The following STX8 variants were observed in gnomAD, a reference collection of about 807,000 sequenced individuals.
STX8 encodes syntaxin 8, also known as syntaxin-8.
STX8 carries 23 observed loss-of-function variants against 37.5 expected under a neutral mutation model. That is an observed-to-expected ratio of 0.61 (90% CI 0.44 to 0.87). The LOEUF (loss-of-function observed/expected upper bound fraction) is 0.87, where lower values mean the gene tolerates loss of function less well. Ranked by LOEUF, STX8 falls within the 40% of genes least tolerant of loss-of-function variation. The pLI, the probability that STX8 is intolerant of heterozygous loss-of-function variation, is 0.00. For synonymous variants in STX8, 115 were observed against 99.1 expected (o/e 1.16, Z -0.95); for missense variants, 313 against 284.7 (o/e 1.10, Z -0.71).
At chr17:9,356,985 T>C (rs1208920707) in intron 7 of STX8, among the ~76,000 whole-genome samples, 1 of 142,108 alleles carries the variant, frequency 7.0e-6, no homozygotes, top group Non-Finnish European at 1.5e-5. Context: ...TTTTTTTTTT[T>C]TAGGCAAAGT....
chr17:9,387,917 A>G (rs577315139), intron 6 of STX8, among the ~76,000 whole-genome samples: 1 of 152,296 alleles, frequency 6.6e-6, no homozygotes, highest in Non-Finnish European at 1.5e-5. Flanking sequence ...TATGACTTAG[A>G]GGTAAATCAA....
intron 6 of STX8, among the ~76,000 whole-genome samples, chr17:9,411,588 C>T (rs1048421663): frequency 6.6e-6 from 1 of 152,194 alleles, no homozygotes; most frequent in Non-Finnish European, 1.5e-5. Flanking sequence ...AATTGCACAT[C>T]GGAAAATTCC....
chr17:9,387,653 AT>A (rs1341127809), intron 6 of STX8, among the ~76,000 whole-genome samples: 1 of 152,180 alleles, frequency 6.6e-6, no homozygotes, highest in Non-Finnish European at 1.5e-5. Flanking sequence ...CACAGTAACA[AT>A]CATGCTTTGT....
intron 6 of STX8, chr17:9,469,212 C>G (rs1039961548): frequency 6.6e-6 from 1 of 152,220 alleles, no homozygotes; most frequent in Non-Finnish European, 1.5e-5. Flanking sequence ...GGGAGGCACA[C>G]TGAGCTACGT....
At chr17:9,263,752 T>C (rs1257396768) in intron 7 of STX8, among the ~76,000 whole-genome samples, 1 of 152,262 alleles carries the variant, frequency 6.6e-6, no homozygotes, top group African/African-American at 2.4e-5. Flanking sequence ...TATGGAATCC[T>C]GGGGCAAAGA....
At chr17:9,469,761 A>C (rs1380014405) in intron 6 of STX8, 1 of 152,186 alleles carries the variant, frequency 6.6e-6, no homozygotes, top group African/African-American at 2.4e-5. Context: ...ACCCCTAGAG[A>C]TGGCCAAGTT....
chr17:9,493,162 C>A (rs945586037), intron 5 of STX8, among the ~76,000 whole-genome samples: 7 of 151,016 alleles, frequency 4.6e-5, no homozygotes, highest in Admixed American at 3.3e-4. Context: ...ACTTGGGAGG[C>A]TGAGGTGAGA....
intron 6 of STX8, among the ~76,000 whole-genome samples, chr17:9,424,184 T>G (rs1284229526): frequency 6.6e-6 from 1 of 152,022 alleles, no homozygotes; most frequent in East Asian, 1.9e-4. Flanking sequence ...TGAAGCTGGG[T>G]TGGCTGTCAG....
At chr17:9,435,399 G>C (rs144608968) in intron 6 of STX8, among the ~76,000 whole-genome samples, 1 of 152,248 alleles carries the variant, frequency 6.6e-6, no homozygotes, top group East Asian at 1.9e-4. Flanking sequence ...CAGAGTGAGA[G>C]AGACCCAAAG....
intron 5 of STX8, among the ~76,000 whole-genome samples, chr17:9,495,001 C>T (rs1278924075): frequency 6.6e-6 from 1 of 152,118 alleles, no homozygotes; most frequent in Admixed American, 6.6e-5. Flanking sequence ...CACATAAAGG[C>T]TTATCTACAA....
intron 7 of STX8, among the ~76,000 whole-genome samples, chr17:9,258,039 T>A (rs1906868162): frequency 6.6e-6 from 1 of 152,252 alleles, no homozygotes; most frequent in African/African-American, 2.4e-5. Context: ...GCCTCGCTTT[T>A]CACACCAGAA....
intron 7 of STX8, among the ~76,000 whole-genome samples, chr17:9,312,168 T>TA (rs1026138447): frequency 6.6e-6 from 1 of 150,792 alleles, no homozygotes; most frequent in East Asian, 2.0e-4. Context: ...ATTAAACACA[T>TA]AAAAAAACCT....
chr17:9,541,917 C>A (rs1005022487), intron 4 of STX8, among the ~76,000 whole-genome samples: 16 of 152,162 alleles, frequency 1.1e-4, no homozygotes, highest in African/African-American at 3.4e-4. Flanking sequence ...ACTAAAACCA[C>A]CCGGTAGTCT....
rs1355373961 is a variant in STX8, at chr17:9,305,665, C to T, written c.644-55020G>A. On this transcript the variant is annotated intron_variant, in intron 7 of 7. Coordinates refer to ENST00000306357, the MANE Select transcript of STX8 (RefSeq NM_004853.3). The stretch of plus-strand genomic sequence containing the variant: ...GTATGCGTAGTGATGCTGTGGTCAA[C>T]AGTGGACAGCATATATCATGGTGGT... 7 of 149,064 alleles carry T rather than the reference C, an allele frequency of 4.7e-5. No individual in the cohort carries two copies. In the East Asian group the frequency reaches 1.4e-3, roughly 29 times the overall value. 9.2% of individuals were successfully genotyped at this position (149,064 alleles called of 1,614,324 possible).
intron 6 of STX8, among the ~76,000 whole-genome samples, chr17:9,488,319 T>G (rs1359016272): frequency 1.4e-5 from 1 of 71,916 alleles, no homozygotes; most frequent in Non-Finnish European, 3.7e-5. Flanking sequence ...AGGGCGAAAC[T>G]CTGTCTTAAA....
intron 6 of STX8, among the ~76,000 whole-genome samples, chr17:9,428,553 T>C (rs1913726838): frequency 6.6e-6 from 1 of 152,206 alleles, no homozygotes; most frequent in South Asian, 2.1e-4. Context: ...AAATGATTCT[T>C]AATCTCTCTT....
chr17:9,430,656 T>A (rs60870636), intron 6 of STX8, among the ~76,000 whole-genome samples: 1 of 142,160 alleles, frequency 7.0e-6, no homozygotes, highest in African/African-American at 2.9e-5. Flanking sequence ...TGGCTTTTTT[T>A]TTTTTTTTTT....
At chr17:9,337,358 T>A (rs1475255519) in intron 7 of STX8, among the ~76,000 whole-genome samples, 1 of 151,988 alleles carries the variant, frequency 6.6e-6, no homozygotes, top group Non-Finnish European at 1.5e-5. Flanking sequence ...TAGGGACCAC[T>A]TACTCTCCTC....
Position 9,575,647 on chromosome 17 carries a change from G to A in STX8, c.17+145C>T, listed in dbSNP as rs185044778. 209 of 991,760 alleles carry A rather than the reference G, an allele frequency of 2.1e-4. 2 individuals are homozygous for A. The East Asian group carries it at 5.5e-3, about 26-fold the overall frequency. 61.4% of individuals were successfully genotyped at this position (991,760 alleles called of 1,614,324 possible). A position where few individuals can be genotyped will look rare whatever the true frequency, so the allele number is the denominator to read the frequency against. ...ACCAAGTGTGGCGGGATGTGGCTGA[G>A]CCCCCTCAGTAAAGGAAAGGTCTCG... On this transcript the variant is annotated intron_variant, in intron 1 of 7. Transcript: ENST00000306357.
Sources: allele counts gnomAD v4.1 joint callset (sites outside exome capture counted in the v4.1 genomes callset), GRCh38; gene constraint gnomAD v4.1.1; transcripts MANE v1.5; gene names NCBI Gene and HGNC (gene_info 2026-07-23, HGNC 2026-07-21).